The following G3BP2 variants were observed in gnomAD, a reference collection of about 807,000 sequenced individuals.
G3BP2 encodes the protein ras GTPase-activating protein-binding protein 2.
A neutral mutation model predicts 56.7 loss-of-function variants in G3BP2; 11 were observed. That is an observed-to-expected ratio of 0.19 (90% CI 0.12 to 0.32). The LOEUF is 0.32. Ranked by LOEUF, G3BP2 falls within the 10% of genes least tolerant of loss-of-function variation. The pLI is 1.00. For missense variants in G3BP2, 340 were observed against 610.9 expected (o/e 0.56, Z 4.67); for synonymous variants, 165 against 191.6 (o/e 0.86, Z 1.15).
At chr4:75,656,490 TAAAG>T (rs938699515) in intron 5 of G3BP2, among the ~76,000 whole-genome samples, 1 of 152,044 alleles carries the variant, frequency 6.6e-6, no homozygotes, top group Non-Finnish European at 1.5e-5. Flanking sequence ...GCAATAATGA[TAAAG>T]AAACTAACCA....
At chr4:75,689,365 G>A (rs1458411967) in intron 3 of G3BP2, among the ~76,000 whole-genome samples, 37 of 147,088 alleles carry the variant, frequency 2.5e-4, no homozygotes, top group Non-Finnish European at 4.5e-4. Flanking sequence ...GACAGAGCAA[G>A]ACTCCATCTC....
At chr4:75,717,803 AG>A (rs2149118377) in intron 3 of G3BP2, among the ~76,000 whole-genome samples, 1 of 152,272 alleles carries the variant, frequency 6.6e-6, no homozygotes, top group East Asian at 1.9e-4. Flanking sequence ...AAACAGTGCT[AG>A]GGCCTGGATC....
chr4:75,682,476 G>A (rs902288610), intron 3 of G3BP2, among the ~76,000 whole-genome samples: 2 of 151,962 alleles, frequency 1.3e-5, no homozygotes, highest in African/African-American at 4.8e-5. Context: ...AATATTTTTG[G>A]ATAGCAGTTG....
upstream of G3BP2, among the ~76,000 whole-genome samples, chr4:75,676,171 G>T (rs1374281908): frequency 2.0e-5 from 3 of 152,190 alleles, no homozygotes; most frequent in East Asian, 5.8e-4. Flanking sequence ...GAAGACTGCA[G>T]TGGCCTCCTA....
rs369466216 is a variant in G3BP2, at chr4:75,657,607, T to G, written c.301A>C (p.Ser101Arg). 2.4e-5 allele frequency: 39 copies of G among 1,613,550 alleles called. No individual in the cohort carries two copies. Among genetic ancestry groups the G allele is most frequent in the Non-Finnish European group, 2.9e-5 (34 of 1,179,732 alleles). The change falls in exon 4 of 12, where the codon AGT (serine) becomes CGT (arginine). Residue 101 changes from serine to arginine, a missense_variant. By Grantham distance (110) the Ser-to-Arg change is moderately radical (BLOSUM62 -1). Coordinates refer to ENST00000359707, the MANE Select transcript of G3BP2 (RefSeq NM_203505.3). ...ATAAACTTTCTTTCTGGTTGTCCAC[T>G]GTTAGACAGCAAACCCATGACCTGG... ...VVQVMGLLSN[S>R]GQPERKFMQT...
chr4:75,698,342 G>A (rs1719207631), intron 3 of G3BP2, among the ~76,000 whole-genome samples: 1 of 152,126 alleles, frequency 6.6e-6, no homozygotes. Context: ...AAATGCAGGT[G>A]GCTTCTAGAA....
intron 3 of G3BP2, among the ~76,000 whole-genome samples, chr4:75,699,413 C>A (rs952869910): frequency 3.3e-5 from 5 of 152,172 alleles, no homozygotes; most frequent in African/African-American, 1.2e-4. Flanking sequence ...TCATTATTTC[C>A]ATTGTACAGA....
intron 3 of G3BP2, among the ~76,000 whole-genome samples, chr4:75,719,165 G>A (rs1476007356): frequency 2.0e-5 from 3 of 151,626 alleles, no homozygotes; most frequent in Non-Finnish European, 4.4e-5. Context: ...CGGCTAAAAC[G>A]GTGAAACCCC....
intron 1 of G3BP2, among the ~76,000 whole-genome samples, chr4:75,671,432 T>G (rs1296722500): frequency 6.6e-6 from 1 of 151,914 alleles, no homozygotes; most frequent in African/African-American, 2.4e-5. Context: ...AAACCAGGAG[T>G]TGCCTGCTGA....
rs949811147 is a variant in G3BP2 at position 75,658,144 on chromosome 4, T to C, written c.178-414A>G. ...AAAGTCTTCCTTCCCTGTTAGGCCA[T>C]AGGAAACATACATTTCTGTGCATTC... On this transcript the variant is annotated intron_variant, in intron 3 of 11. Coordinates refer to ENST00000359707, the MANE Select transcript of G3BP2 (RefSeq NM_203505.3). Among the ~76,000 whole-genome samples, 7 of 152,188 alleles carry C rather than the reference T, an allele frequency of 4.6e-5. No individual in the cohort carries two copies. The East Asian group carries it at 7.7e-4, about 17-fold the overall frequency.
chr4:75,648,764 CATT>C (rs764087576), intron 8 of G3BP2, 23 bp from the exon 9 acceptor site: 1 of 1,456,304 alleles, frequency 6.9e-7, no homozygotes, highest in African/African-American at 1.4e-5. Flanking sequence ...GAAAAAAAAA[CATT>C]ATAAAAAACA....
chr4:75,674,311 G>C (rs1733744002), upstream of G3BP2, among the ~76,000 whole-genome samples: 7 of 152,172 alleles, frequency 4.6e-5, no homozygotes, highest in Admixed American at 4.6e-4. Flanking sequence ...ATTAATGAAT[G>C]CTTACGAACT....
rs544295410 is a variant in G3BP2, at chr4:75,651,290, C to T, written c.826-2549G>A. On this transcript the variant is annotated intron_variant, in intron 8 of 11. Transcript: ENST00000359707. ...AAGAAAAACCTTAGACTCATTCAAT[C>T]CAAATGTTATCAAAGAACTTGAGGC... 3.3e-5 allele frequency among the ~76,000 whole-genome samples: 5 copies of T among 152,282 alleles called. No homozygotes were observed. The South Asian group carries it at 1.0e-3, about 32-fold the overall frequency.
chr4:75,662,221 ATTTT>A (rs33965828), intron 1 of G3BP2, 172 bp from the exon 2 acceptor site: 453 of 287,058 alleles, frequency 1.6e-3, no homozygotes, highest in South Asian at 3.6e-3. Flanking sequence ...ACCTGAAATA[ATTTT>A]TTTTTTTTTT....
intron 1 of G3BP2, 113 bp from the exon 2 acceptor site, chr4:75,662,162 T>C: frequency 1.6e-6 from 1 of 620,992 alleles, no homozygotes; most frequent in Non-Finnish European, 2.9e-6. Flanking sequence ...ATACCAATTT[T>C]AGTGACACTA....
rs187093571 is a variant in G3BP2 at position 75,655,103 on chromosome 4, G to A, written c.689C>T (p.Pro230Leu). The A allele has an allele frequency of 3.6e-5, 58 of 1,612,806 alleles. No homozygotes were observed. The highest frequency in any genetic ancestry group is 1.7e-4 in the Middle Eastern group (1 of 6,044). ...ELEEKSTTPP[P>L]AEPVSLPQEP... ...TTGTGGCAGAGAAACAGGTTCTGCCGGAGGAGGAGTAGTAGATTTCTCCTC... is the reference window on the plus strand; with the variant it reads ...TTGTGGCAGAGAAACAGGTTCTGCCAGAGGAGGAGTAGTAGATTTCTCCTC... The change falls in exon 7 of 12, where the codon CCG becomes CTG. Residue 230 changes from proline (P) to leucine (L), a missense_variant. Coordinates refer to ENST00000359707, the MANE Select transcript of G3BP2 (RefSeq NM_203505.3).
At chr4:75,723,300 G>C (rs1453982257) in intron 1 of G3BP2, among the ~76,000 whole-genome samples, 1 of 152,160 alleles carries the variant, frequency 6.6e-6, no homozygotes, top group Non-Finnish European at 1.5e-5. Flanking sequence ...ACAACTGGAG[G>C]ATTTTAAGAG....
intron 3 of G3BP2, among the ~76,000 whole-genome samples, chr4:75,680,382 A>G (rs1374522572): frequency 6.6e-6 from 1 of 152,098 alleles, no homozygotes; most frequent in Non-Finnish European, 1.5e-5. Flanking sequence ...TTCACTAACT[A>G]CTTCTGTGAC....
intron 3 of G3BP2, among the ~76,000 whole-genome samples, chr4:75,693,786 TA>T (rs59421805): frequency 2.1e-3 from 296 of 141,336 alleles, no homozygotes; most frequent in African/African-American, 2.3e-3. Flanking sequence ...AGACTCCGTC[TA>T]AAAAAAAAAA....
Sources: allele counts gnomAD v4.1 joint callset (sites outside exome capture counted in the v4.1 genomes callset), GRCh38; gene constraint gnomAD v4.1.1; transcripts MANE v1.5; gene names NCBI Gene and HGNC (gene_info 2026-07-23, HGNC 2026-07-21).